Variants in LTBP1 observed in about 807,000 individuals in gnomAD.
LTBP1 encodes the protein latent-transforming growth factor beta-binding protein 1.
Under a neutral mutation model 207.6 loss-of-function variants are expected in LTBP1, and 129 were observed. The ratio of observed to expected loss-of-function variants is 0.62; its 90% CI spans 0.54 to 0.72. LTBP1 has a LOEUF of 0.72. Among genes scored for constraint, LTBP1 ranks in the 30% least tolerant of loss-of-function variants. The probability of loss-of-function intolerance (pLI) is 0.00; values close to 1 mark genes in which losing one functional copy is unlikely to be tolerated. For missense variants in LTBP1, 2,281 were observed against 2,217.2 expected (o/e 1.03, Z -0.58); for synonymous variants, 963 against 833.7 (o/e 1.16, Z -2.67).
chr2:33,279,227 C>G (rs2093507770), intron 18 of LTBP1, among the ~76,000 whole-genome samples: 1 of 152,178 alleles, frequency 6.6e-6, no homozygotes, highest in Admixed American at 6.5e-5. Context: ...GGTGTTAACA[C>G]TTATTTTAAA....
At chr2:33,103,587 G>C (rs191302404) in intron 3 of LTBP1, among the ~76,000 whole-genome samples, 1 of 18,824 alleles carries the variant, frequency 5.3e-5, no homozygotes, top group African/African-American at 1.2e-4. Context: ...CTCCGTTTAC[G>C]TGTGTGTGTG....
chr2:32,978,978 A>G (rs565606642), intron 2 of LTBP1, among the ~76,000 whole-genome samples: 11 of 151,842 alleles, frequency 7.2e-5, no homozygotes, highest in Admixed American at 5.2e-4. Flanking sequence ...AGGTTTTCTA[A>G]TTTATTGGCA....
intron 7 of LTBP1, among the ~76,000 whole-genome samples, chr2:33,205,067 T>C (rs910461533): frequency 6.6e-6 from 1 of 152,212 alleles, no homozygotes; most frequent in African/African-American, 2.4e-5. Flanking sequence ...TTTTCTGCAA[T>C]CTTAGACACC....
chr2:33,347,503 CT>C lies in LTBP1; in HGVS notation c.3994del (p.Ser1332ProfsTer4). ...PMTGQCRSRT[S>X]TDLDVDVDQP... ...TGACTGGGCAGTGCCGCTCCCGGAC[CT>C]CCACAGGTAAGTCCCAGTGACACTG... On this transcript the variant is annotated frameshift_variant, in exon 26 of 34. Coordinates refer to ENST00000404816, the MANE Select transcript of LTBP1 (RefSeq NM_206943.4). LOFTEE classifies it high-confidence loss of function. 1 of 1,614,126 alleles carries C rather than the reference CT, an allele frequency of 6.2e-7. No homozygotes were observed. Among genetic ancestry groups the C allele is most frequent in the Non-Finnish European group, 8.5e-7 (1 of 1,180,026 alleles).
intron 3 of LTBP1, among the ~76,000 whole-genome samples, chr2:33,097,930 T>C (rs1277729805): frequency 1.3e-5 from 2 of 152,218 alleles, no homozygotes; most frequent in African/African-American, 4.8e-5. Context: ...ATAACCATGT[T>C]AAATATATAT....
chr2:33,154,507 TATC>T (rs1197802782), intron 5 of LTBP1, among the ~76,000 whole-genome samples: 2 of 152,242 alleles, frequency 1.3e-5, no homozygotes, highest in African/African-American at 4.8e-5. Flanking sequence ...TAGCAGTCCT[TATC>T]AGCACAAATA....
chr2:33,393,234 C>CTTTTTTTTTTTTT (rs569734292), intron 32 of LTBP1, among the ~76,000 whole-genome samples: 2 of 48,740 alleles, frequency 4.1e-5, no homozygotes, highest in African/African-American at 7.3e-5. Flanking sequence ...CCTTCTTCTT[C>CTTTTTTTTTTTTT]TTTTTTTTTT....
intron 7 of LTBP1, among the ~76,000 whole-genome samples, chr2:33,199,031 C>T (rs1248057390): frequency 6.6e-5 from 10 of 152,126 alleles, no homozygotes; most frequent in Admixed American, 6.5e-4. Context: ...CTCTTGTGGG[C>T]ATTTAGTGCT....
At chr2:32,999,073 A>G (rs1172901607) in intron 2 of LTBP1, among the ~76,000 whole-genome samples, 2 of 152,164 alleles carry the variant, frequency 1.3e-5, no homozygotes, top group Non-Finnish European at 2.9e-5. Context: ...AAGTTTTAAC[A>G]AGCCTCCCTG....
chr2:33,332,372 CAAAAAAAAAAAAA>C (rs745342264), intron 24 of LTBP1, among the ~76,000 whole-genome samples: 1 of 52,480 alleles, frequency 1.9e-5, no homozygotes, highest in Non-Finnish European at 3.2e-5. Flanking sequence ...ACACCATCTC[CAAAAAAAAAAAAA>C]AAAAAAAAAA....
chr2:32,995,652 G>A (rs1685147851), intron 2 of LTBP1, among the ~76,000 whole-genome samples: 1 of 152,180 alleles, frequency 6.6e-6, no homozygotes, highest in African/African-American at 2.4e-5. Flanking sequence ...AGCCGGGCGT[G>A]GTGGCGGGCA....
chr2:33,325,904 C>A (rs963706538), intron 24 of LTBP1, among the ~76,000 whole-genome samples: 2 of 151,696 alleles, frequency 1.3e-5, no homozygotes, highest in African/African-American at 2.4e-5. Flanking sequence ...AGAAGTATTT[C>A]TTTTCTATAA....
intron 3 of LTBP1, among the ~76,000 whole-genome samples, chr2:33,034,205 C>G (rs577394081): frequency 7.0e-6 from 1 of 143,872 alleles, no homozygotes; most frequent in East Asian, 2.0e-4. Flanking sequence ...AAGAAAGAGA[C>G]GAGACTTGAA....
At chr2:32,949,936 A>T (rs926181199) in intron 2 of LTBP1, among the ~76,000 whole-genome samples, 3 of 152,220 alleles carry the variant, frequency 2.0e-5, no homozygotes, top group African/African-American at 7.2e-5. Context: ...CACAGGTTTT[A>T]TGATGTGTTA....
At chr2:33,324,392 A>G (rs964494738) in intron 24 of LTBP1, among the ~76,000 whole-genome samples, 1 of 151,914 alleles carries the variant, frequency 6.6e-6, no homozygotes, top group African/African-American at 2.4e-5. Context: ...GTATGTATGT[A>G]TGTATGTATG....
At chr2:33,200,807 G>A (rs1478437107) in intron 7 of LTBP1, among the ~76,000 whole-genome samples, 1 of 152,124 alleles carries the variant, frequency 6.6e-6, no homozygotes. Context: ...CCATCAAAAA[G>A]TGGGCGAAGG....
rs113050181 is a variant in LTBP1, at chr2:33,256,561, C to T, written c.2168-723C>T. Among the ~76,000 whole-genome samples the T allele has an allele frequency of 4.7e-3, 710 of 150,464 alleles. 4 individuals carry two copies. Among genetic ancestry groups the T allele is most frequent in the Non-Finnish European group, 7.2e-3 (488 of 67,654 alleles). Reference sequence around the variant, plus strand: ...AATAACTAATGAAATTACATCAAAGCGGGAAAAAAAGCCTGATTTTTGCTG... The same window carrying T: ...AATAACTAATGAAATTACATCAAAGTGGGAAAAAAAGCCTGATTTTTGCTG... On this transcript the variant is annotated intron_variant, in intron 11 of 33. Transcript: ENST00000404816.
At chr2:33,080,299 A>C (rs1444176176) in intron 3 of LTBP1, among the ~76,000 whole-genome samples, 1 of 152,156 alleles carries the variant, frequency 6.6e-6, no homozygotes, top group Admixed American at 6.5e-5. Flanking sequence ...AAGTGCTGAG[A>C]TTACGGGCAT....
At position 32,947,045 on chromosome 2, in the gene LTBP1, T is replaced by C; in HGVS notation, c.-280T>C. The C allele has an allele frequency of 3.8e-6, 1 of 265,880 alleles. No homozygotes were observed. The highest frequency in any genetic ancestry group is 7.1e-6 in the Non-Finnish European group (1 of 141,844). 16.5% of individuals were successfully genotyped at this position (265,880 alleles called of 1,614,324 possible). On this transcript the variant is annotated 5_prime_UTR_variant, in exon 1 of 34. Transcript: ENST00000404816. ...AACCCCCGGCCGGACGCGCGGACCCTCACCTTGCGCGGCCCGCTCCCCTCG... is the reference window on the plus strand; with the variant it reads ...AACCCCCGGCCGGACGCGCGGACCCCCACCTTGCGCGGCCCGCTCCCCTCG...
Sources: gnomAD v4.1 joint callset for allele counts (sites outside exome capture counted in the v4.1 genomes callset) on GRCh38, gnomAD v4.1.1 for gene constraint, MANE v1.5 for transcripts, NCBI Gene and HGNC (gene_info 2026-07-23, HGNC 2026-07-21) for gene names.